The following RAD9B variants were observed in gnomAD, a reference collection of about 807,000 sequenced individuals.
RAD9B encodes the protein RAD9 checkpoint clamp component B.
A neutral mutation model predicts 48.3 loss-of-function variants in RAD9B; 41 were observed. The observed-to-expected ratio is 0.85, with a 90% CI of 0.66 to 1.10. RAD9B has a LOEUF of 1.10. Among genes scored for constraint, RAD9B ranks in the 50% least tolerant of loss-of-function variants. The probability of loss-of-function intolerance (pLI) is 0.00; values close to 1 mark genes in which losing one functional copy is unlikely to be tolerated. For synonymous variants in RAD9B, 160 were observed against 157.9 expected (o/e 1.01, Z -0.10); for missense variants, 444 against 485.1 (o/e 0.92, Z 0.80).
rs778389290 is a variant in RAD9B at position 110,519,789 on chromosome 12, T to C, written c.768-5T>C. 6.2e-7 allele frequency: 1 copy of C among 1,603,186 alleles called. No individual in the cohort carries two copies. The highest frequency in any genetic ancestry group is 1.1e-5 in the South Asian group (1 of 88,424). ...GTCACTGTTGCTCTGACTTGGCTTTTTTAGACCTCTGGCTTTGAGTATTGA... is the reference window on the plus strand; with the variant it reads ...GTCACTGTTGCTCTGACTTGGCTTTCTTAGACCTCTGGCTTTGAGTATTGA... On this transcript the variant is annotated splice_region_variant and splice_polypyrimidine_tract_variant and intron_variant, in intron 8 of 10. Coordinates refer to ENST00000409300, the MANE Select transcript of RAD9B (RefSeq NM_001286535.2).
intron 10 of RAD9B, 47 bp downstream of exon 10, chr12:110,522,458 T>C: frequency 1.5e-6 from 2 of 1,356,146 alleles, no homozygotes; most frequent in Non-Finnish European, 2.1e-6. Flanking sequence ...AATTCTCATC[T>C]GTCTCCCTTT....
At position 110,532,831 on chromosome 12, in the gene RAD9B, A is replaced by C. The variant is rs562310291; in HGVS notation, c.*2178A>C. ...TTATACAGGTTTGTCGCCTAGGAGC[A>C]ACAGGCTATTCATATAGCCCAGATG... On this transcript the variant is annotated 3_prime_UTR_variant, in exon 11 of 11. Coordinates refer to ENST00000409300, the MANE Select transcript of RAD9B (RefSeq NM_001286535.2). Among the ~76,000 whole-genome samples the C allele has an allele frequency of 3.1e-4, 47 of 152,360 alleles. No individual in the cohort carries two copies. The highest frequency in any genetic ancestry group is 1.1e-3 in the African/African-American group (46 of 41,584).
At chr12:110,503,785 C>T in intron 1 of RAD9B, 21 bp from the exon 2 acceptor site, 3 of 1,567,364 alleles carry the variant, frequency 1.9e-6, no homozygotes, top group Non-Finnish European at 2.6e-6. Flanking sequence ...ATATAAGCAT[C>T]ACCTTTCTTT....
intron 10 of RAD9B, among the ~76,000 whole-genome samples, chr12:110,523,785 A>G (rs1214122422): frequency 6.6e-6 from 1 of 152,206 alleles, no homozygotes; most frequent in Non-Finnish European, 1.5e-5. Context: ...TTTAATCTCC[A>G]TGAGCACCAT....
chr12:110,514,133 T>G (rs1327060428), intron 5 of RAD9B, among the ~76,000 whole-genome samples: 2 of 152,170 alleles, frequency 1.3e-5, no homozygotes, highest in African/African-American at 4.8e-5. Context: ...AATTATTTGG[T>G]ATCTTGTATA....
chr12:110,517,724 A>G (rs1411897403), intron 6 of RAD9B, among the ~76,000 whole-genome samples: 4 of 150,026 alleles, frequency 2.7e-5, no homozygotes, highest in Admixed American at 2.0e-4. Context: ...TAATGAAGCA[A>G]TTTTGTAGTG....
At chr12:110,505,460 A>T (rs576219251) in intron 2 of RAD9B, among the ~76,000 whole-genome samples, 157 bp from the exon 3 acceptor site, 19 of 152,270 alleles carry the variant, frequency 1.2e-4, no homozygotes, top group Admixed American at 4.6e-4. Flanking sequence ...TAAAATAAAA[A>T]AATAGAGGTG....
intron 4 of RAD9B, 58 bp from the exon 5 acceptor site, chr12:110,512,721 C>T: frequency 1.3e-6 from 1 of 751,468 alleles, no homozygotes. Flanking sequence ...TTAAAGACTT[C>T]TTTAATTTGT....
intron 2 of RAD9B, among the ~76,000 whole-genome samples, chr12:110,504,810 A>C (rs1250210551): frequency 6.6e-6 from 1 of 152,164 alleles, no homozygotes; most frequent in Non-Finnish European, 1.5e-5. Flanking sequence ...CAGCCTGAGC[A>C]ACAAAGCAAG....
rs1308765751 is a variant in RAD9B at position 110,530,530 on chromosome 12, T to C, written c.1131T>C (p.Ser377=). The stretch of plus-strand genomic sequence containing the variant: ...AGTTCCTTTTTTCCCTCCAGTTTTC[T>C]TGCATGTTCTTTGGAGCAGTTTCTT... ...VPGSLCLRKF[S]CMFFGAVSSD... The change falls in exon 11 of 11, where the codon TCT becomes TCC. Residue 377 remains serine, a synonymous_variant. Transcript: ENST00000409300. 6.2e-7 allele frequency: 1 copy of C among 1,613,704 alleles called. No individual in the cohort carries two copies. The highest frequency in any genetic ancestry group is 1.7e-5 in the Admixed American group (1 of 59,894).
At position 110,519,796 on chromosome 12, in the gene RAD9B, C is replaced by T. The variant is rs2063719852; in HGVS notation, c.770C>T (p.Pro257Leu). Reference protein sequence around the residue: ...ISIYFDFPGKPLALSIDDMLV... With the variant: ...ISIYFDFPGKLLALSIDDMLV... ...TTGCTCTGACTTGGCTTTTTTAGAC[C>T]TCTGGCTTTGAGTATTGATGATATG... is the stretch of plus-strand genomic sequence containing the variant. Residue 257 changes from proline to leucine, a missense_variant and splice_region_variant, in exon 9 of 11, where the codon CCT becomes CTT. Physicochemically the swap from Pro to Leu is moderately conservative, Grantham distance 98 (BLOSUM62 -3). Coordinates refer to ENST00000409300, the MANE Select transcript of RAD9B (RefSeq NM_001286535.2). The T allele has an allele frequency of 1.9e-6, 3 of 1,604,904 alleles. No individual in the cohort carries two copies. In the South Asian group the frequency reaches 3.4e-5, roughly 18 times the overall value.
intron 10 of RAD9B, among the ~76,000 whole-genome samples, chr12:110,528,691 T>C (rs2064023622): frequency 1.3e-5 from 2 of 152,214 alleles, no homozygotes; most frequent in Non-Finnish European, 2.9e-5. Flanking sequence ...TGACCATAAG[T>C]TTCTGTGATA....
intron 3 of RAD9B, among the ~76,000 whole-genome samples, chr12:110,506,023 T>C (rs2063252751): frequency 6.6e-6 from 1 of 151,980 alleles, no homozygotes; most frequent in African/African-American, 2.4e-5. Context: ...TAGCTGGGAT[T>C]ATAGGCGTGT....
At chr12:110,509,922 C>T (rs1265796432) in intron 4 of RAD9B, among the ~76,000 whole-genome samples, 1 of 152,172 alleles carries the variant, frequency 6.6e-6, no homozygotes, top group Non-Finnish European at 1.5e-5. Context: ...CATTTTGTCC[C>T]ATGTGCATCT....
chr12:110,502,945 C>A (rs560927151), intron 1 of RAD9B: 105 of 153,746 alleles, frequency 6.8e-4, no homozygotes, highest in Non-Finnish European at 1.3e-3. Context: ...GTAAACGGCG[C>A]TTTCAAAATG....
intron 5 of RAD9B, among the ~76,000 whole-genome samples, chr12:110,513,289 C>T (rs1342141013): frequency 1.3e-5 from 2 of 150,894 alleles, no homozygotes; most frequent in Non-Finnish European, 3.0e-5. Flanking sequence ...TTTTTTTAAG[C>T]TGAAATTTGA....
chr12:110,512,965 G>T, intron 5 of RAD9B, 87 bp downstream of exon 5: 2 of 679,676 alleles, frequency 2.9e-6, no homozygotes, highest in East Asian at 3.1e-5. Flanking sequence ...CTTTTCAGTC[G>T]GCACATTTTT....
intron 4 of RAD9B, chr12:110,511,484 G>C (rs774906459): frequency 5.2e-4 from 236 of 454,202 alleles, no homozygotes; most frequent in Middle Eastern, 2.9e-3. Flanking sequence ...GGCATGGAAA[G>C]TCAAGTATTG....
At chr12:110,523,591 T>C (rs2063849135) in intron 10 of RAD9B, among the ~76,000 whole-genome samples, 1 of 152,186 alleles carries the variant, frequency 6.6e-6, no homozygotes, top group Non-Finnish European at 1.5e-5. Flanking sequence ...AAGTTGGCCA[T>C]AAAATGAAAA....
Sources: allele counts gnomAD v4.1 joint callset (sites outside exome capture counted in the v4.1 genomes callset), GRCh38; gene constraint gnomAD v4.1.1; transcripts MANE v1.5; gene names NCBI Gene and HGNC (gene_info 2026-07-23, HGNC 2026-07-21).